AOPEP: variants seen among roughly 807,000 people sequenced by gnomAD.
The protein encoded by AOPEP is aminopeptidase O (putative).
Under a neutral mutation model 98.1 loss-of-function variants are expected in AOPEP, and 77 were observed. That is an observed-to-expected ratio of 0.78 (90% CI 0.65 to 0.95). AOPEP has a LOEUF of 0.95. AOPEP is among the 40% of genes least tolerant of loss of function. The pLI is 0.00. For synonymous variants in AOPEP, 346 were observed against 365.3 expected (o/e 0.95, Z 0.60); for missense variants, 1,024 against 1,024.7 (o/e 1.00, Z 0.01).
chr9:95,034,216 T>G (rs2064574133), intron 13 of AOPEP, among the ~76,000 whole-genome samples: 1 of 152,252 alleles, frequency 6.6e-6, no homozygotes, highest in Non-Finnish European at 1.5e-5. Context: ...GAAGCCAAGA[T>G]GTAGGTAGCG....
At chr9:95,109,508 A>C in the AOPEP span, 1 of 151,994 alleles carries the variant, frequency 6.6e-6, no homozygotes, top group South Asian at 2.1e-4. Flanking sequence ...AGGGTATCTA[A>C]ACGACTTTTT....
chr9:94,754,574 A>G (rs971022885), intron 1 of AOPEP, among the ~76,000 whole-genome samples: 4 of 152,234 alleles, frequency 2.6e-5, no homozygotes, highest in African/African-American at 9.6e-5. Flanking sequence ...ACTATAGAGT[A>G]CAGGCAAGCT....
rs369793469 is a variant in AOPEP, at chr9:94,857,953, G to GCGT, written c.1364+56952_1364+56954dup. 4.7e-3 allele frequency among the ~76,000 whole-genome samples: 721 copies of GCGT among 151,998 alleles called. 1 individual carries two copies. Among genetic ancestry groups the GCGT allele is most frequent in the African/African-American group, 0.017 (697 of 41,458 alleles). ...TTTTTTTAAGACACAGGATCTCACT[G>GCGT]CGTACACTGGCGTACCCTGGTGTGA... is the stretch of plus-strand genomic sequence containing the variant. On this transcript the variant is annotated intron_variant, in intron 5 of 16. Transcript: ENST00000375315.
chr9:95,101,488 G>A, the AOPEP span: 1 of 611,894 alleles, frequency 1.6e-6, no homozygotes, highest in Non-Finnish European at 2.9e-6. Flanking sequence ...GCTCACTTGA[G>A]TCATTAGTGA....
the AOPEP span, among the ~76,000 whole-genome samples, chr9:95,127,662 G>A: frequency 4.4e-4 from 67 of 152,332 alleles, no homozygotes; most frequent in African/African-American, 1.3e-3. Flanking sequence ...ATTCAAGTCA[G>A]AGTGCATTTG....
chr9:94,882,662 G>C (rs373781556), intron 5 of AOPEP, among the ~76,000 whole-genome samples: 1 of 152,202 alleles, frequency 6.6e-6, no homozygotes, highest in Non-Finnish European at 1.5e-5. Context: ...TGTAATCCCA[G>C]CTCCTGGGGA....
At chr9:95,026,465 TTTG>T (rs1186151115) in intron 13 of AOPEP, among the ~76,000 whole-genome samples, 1 of 152,226 alleles carries the variant, frequency 6.6e-6, no homozygotes, top group Non-Finnish European at 1.5e-5. Flanking sequence ...GTCTTACGTG[TTTG>T]TTTTCTTTCA....
chr9:94,920,351 A>C (rs1329877160), intron 5 of AOPEP: 1 of 152,658 alleles, frequency 6.6e-6, no homozygotes, highest in African/African-American at 2.4e-5. Flanking sequence ...CTTGCTCTCC[A>C]TGAGGGGAAT....
intron 5 of AOPEP, among the ~76,000 whole-genome samples, chr9:94,911,661 T>C (rs1014402312): frequency 2.0e-5 from 3 of 152,206 alleles, no homozygotes; most frequent in African/African-American, 4.8e-5. Flanking sequence ...AAAAAGCTTT[T>C]CTCAAGAGAT....
chr9:95,030,788 A>G (rs180691780), intron 13 of AOPEP, among the ~76,000 whole-genome samples: 1 of 152,260 alleles, frequency 6.6e-6, no homozygotes, highest in East Asian at 1.9e-4. Context: ...GCAATATGGA[A>G]ATTATGGAAG....
At chr9:94,736,118 ATTAACTATATC>A (rs773995446) in intron 1 of AOPEP, among the ~76,000 whole-genome samples, 33 of 152,204 alleles carry the variant, frequency 2.2e-4, no homozygotes, top group Admixed American at 1.3e-4. Flanking sequence ...TTAAAACAAT[ATTAACTATATC>A]TGGGCCTTTT....
intron 4 of AOPEP, among the ~76,000 whole-genome samples, chr9:94,795,238 A>G (rs1183451955): frequency 6.6e-6 from 1 of 152,116 alleles, no homozygotes; most frequent in Non-Finnish European, 1.5e-5. Flanking sequence ...AGACTTTAAA[A>G]AACTGTATGT....
chr9:94,735,821 C>G (rs1395946842), intron 1 of AOPEP, among the ~76,000 whole-genome samples: 1 of 152,134 alleles, frequency 6.6e-6, no homozygotes, highest in East Asian at 1.9e-4. Context: ...TTGGCAGTGA[C>G]TCCTCATTCT....
chr9:94,933,605 T>G, intron 7 of AOPEP: 1 of 985,390 alleles, frequency 1.0e-6, no homozygotes, highest in Non-Finnish European at 1.2e-6. Context: ...AAAACATCCC[T>G]TAATAATAGG....
chr9:95,060,691 T>C lies in AOPEP; in HGVS notation c.2116-3T>C, dbSNP rs752720624. The C allele has an allele frequency of 1.2e-6, 2 of 1,604,558 alleles. No homozygotes were observed. Among genetic ancestry groups the C allele is most frequent in the South Asian group, 2.2e-5 (2 of 90,912 alleles). On this transcript the variant is annotated splice_region_variant and splice_polypyrimidine_tract_variant and intron_variant, in intron 13 of 16. Transcript: ENST00000375315. ...TTCATAGGCTGTTTGGTTTTGTCTT[T>C]AGCTTCTTCCAGACCAGCTGGTCTT...
chr9:95,093,595 A>C, the AOPEP span, among the ~76,000 whole-genome samples: 6 of 152,176 alleles, frequency 3.9e-5, no homozygotes, highest in Admixed American at 1.3e-4. Flanking sequence ...ATATGTAAAC[A>C]AAAAGTAAGT....
chr9:94,991,207 A>G (rs1218137881), intron 11 of AOPEP, among the ~76,000 whole-genome samples: 1 of 152,210 alleles, frequency 6.6e-6, no homozygotes, highest in Admixed American at 6.5e-5. Context: ...CATCAGGAGC[A>G]CCTGGCTACT....
intron 5 of AOPEP, among the ~76,000 whole-genome samples, chr9:94,915,455 C>T (rs767755005): frequency 6.6e-6 from 1 of 152,162 alleles, no homozygotes; most frequent in African/African-American, 2.4e-5. Flanking sequence ...TTGTTCCTAC[C>T]CAGAGTTACC....
intron 1 of AOPEP, among the ~76,000 whole-genome samples, chr9:94,737,252 A>G (rs1346349758): frequency 6.6e-6 from 1 of 152,034 alleles, no homozygotes; most frequent in Non-Finnish European, 1.5e-5. Context: ...GTACAAGCAC[A>G]TGCCACCATG....
Sources: allele counts gnomAD v4.1 joint callset (sites outside exome capture counted in the v4.1 genomes callset), GRCh38; gene constraint gnomAD v4.1.1; transcripts MANE v1.5; gene names NCBI Gene and HGNC (gene_info 2026-07-23, HGNC 2026-07-21).